Variants in TARS3 observed in about 807,000 individuals in gnomAD.
TARS3 encodes the protein threonyl-tRNA synthetase 3.
TARS3 carries 94 observed loss-of-function variants against 103.5 expected under a neutral mutation model. That is an observed-to-expected ratio of 0.91 (90% CI 0.77 to 1.08). The LOEUF (loss-of-function observed/expected upper bound fraction) is 1.08, where lower values mean the gene tolerates loss of function less well. Ranked by LOEUF, TARS3 falls within the 50% of genes least tolerant of loss-of-function variation. The pLI, the probability that TARS3 is intolerant of heterozygous loss-of-function variation, is 0.00. For missense variants in TARS3, 952 were observed against 995.2 expected, an observed-to-expected ratio of 0.96 and a Z score of 0.58; for synonymous variants, 416 against 355.4, an observed-to-expected ratio of 1.17 and a Z score of -1.92.
chr15:101,671,511 T>G lies in TARS3; in HGVS notation c.1942A>C (p.Ile648Leu). ...ATIQLDFQLP[I>L]RFNLTYVSKD... The stretch of plus-strand genomic sequence containing the variant: ...CTAACATATGTGAGATTAAATCTAA[T>G]AGGCAGTTGGAAGTCCAGCTGAATT... Residue 648 changes from isoleucine to leucine, a missense_variant, in exon 15 of 19, where the codon ATT (isoleucine) becomes CTT (leucine). Coordinates refer to ENST00000335968, the MANE Select transcript of TARS3 (RefSeq NM_152334.3). 2 of 1,609,664 alleles carry G rather than the reference T, an allele frequency of 1.2e-6. No individual in the cohort carries two copies. Among genetic ancestry groups the G allele is most frequent in the Non-Finnish European group, 1.7e-6 (2 of 1,176,214 alleles).
intron 10 of TARS3, among the ~76,000 whole-genome samples, chr15:101,699,902 G>A (rs1467961218): frequency 6.6e-6 from 1 of 152,114 alleles, no homozygotes; most frequent in African/African-American, 2.4e-5. Context: ...AGATATACAG[G>A]GACCAGGAAA....
At chr15:101,657,117 A>T in intron 17 of TARS3, 81 bp from the exon 18 acceptor site, 1 of 880,080 alleles carries the variant, frequency 1.1e-6, no homozygotes, top group Non-Finnish European at 1.8e-6. Flanking sequence ...CACTCTTGGT[A>T]TTCACACCTT....
At chr15:101,654,905 T>G (rs1897141401) in intron 18 of TARS3, among the ~76,000 whole-genome samples, 175 bp from the exon 19 acceptor site, 1 of 152,260 alleles carries the variant, frequency 6.6e-6, no homozygotes, top group Admixed American at 6.5e-5. Flanking sequence ...CAATGACTTC[T>G]GATCCCATCT....
At chr15:101,684,433 G>C (rs1898382666) in intron 11 of TARS3, among the ~76,000 whole-genome samples, 196 bp from the exon 12 acceptor site, 1 of 152,148 alleles carries the variant, frequency 6.6e-6, no homozygotes, top group Non-Finnish European at 1.5e-5. Context: ...CTCTGAGAAA[G>C]ATGCTTGTCT....
At chr15:101,690,949 T>C (rs1898689512) in intron 10 of TARS3, among the ~76,000 whole-genome samples, 1 of 151,936 alleles carries the variant, frequency 6.6e-6, no homozygotes, top group South Asian at 2.1e-4. Context: ...GTATCAATCT[T>C]TTTTTTTGAA....
At chr15:101,703,991 T>C (rs1353744056) in intron 7 of TARS3, 54 bp from the exon 8 acceptor site, 17 of 1,284,314 alleles carry the variant, frequency 1.3e-5, no homozygotes, top group Non-Finnish European at 1.9e-5. Context: ...TTCTGGACTA[T>C]TCATTATAAG....
At chr15:101,661,926 C>A in intron 15 of TARS3, 110 bp from the exon 16 acceptor site, 1 of 559,992 alleles carries the variant, frequency 1.8e-6, no homozygotes, top group Non-Finnish European at 2.9e-6. Context: ...TCAGATCTCT[C>A]CATTAACCTT....
intron 7 of TARS3, 74 bp from the exon 8 acceptor site, chr15:101,704,011 C>T (rs1378180558): frequency 1.8e-6 from 2 of 1,104,962 alleles, no homozygotes; most frequent in African/African-American, 3.2e-5. Context: ...GCCATAATAT[C>T]CTATGTTTTA....
chr15:101,687,317 C>T (rs985996311), intron 10 of TARS3, among the ~76,000 whole-genome samples: 11 of 152,132 alleles, frequency 7.2e-5, no homozygotes, highest in South Asian at 2.1e-4. Flanking sequence ...GCAGGAGAAT[C>T]GCTTGAACCC....
rs780914730 is a variant in TARS3 at position 101,723,116 on chromosome 15, T to A, written c.346A>T (p.Lys116Ter). ...ACCTCGCTGTCAGCCTCGCTTTCCTTCATTTTCTTCTTTTTCATGTCCTTG... is the reference window on the plus strand; with the variant it reads ...ACCTCGCTGTCAGCCTCGCTTTCCTACATTTTCTTCTTTTTCATGTCCTTG... Reference protein sequence around the residue: ...QDKDMKKKKMKESEADSEVKH... With the variant: ...QDKDMKKKKM The change falls in exon 2 of 19, where the codon AAG (lysine) becomes TAG (stop). Residue 116 changes from lysine (K) to a stop codon, truncating the protein, a stop_gained. Coordinates refer to ENST00000335968, the MANE Select transcript of TARS3 (RefSeq NM_152334.3). LOFTEE classifies it high-confidence loss of function. The A allele has an allele frequency of 6.2e-7, 1 of 1,614,220 alleles. No individual in the cohort carries two copies. The highest frequency in any genetic ancestry group is 2.2e-5 in the East Asian group (1 of 44,890).
chr15:101,710,652 G>A (rs1231625767), intron 5 of TARS3, among the ~76,000 whole-genome samples: 1 of 152,234 alleles, frequency 6.6e-6, no homozygotes, highest in East Asian at 1.9e-4. Context: ...ATGCTTGTGA[G>A]TAATAGTGGT....
At chr15:101,661,408 G>A (rs927514062) in intron 16 of TARS3, among the ~76,000 whole-genome samples, 1 of 150,712 alleles carries the variant, frequency 6.6e-6, no homozygotes, top group Admixed American at 6.7e-5. Context: ...TCTCTGAAGG[G>A]CTTGAAACAG....
At position 101,654,538 on chromosome 15, in the gene TARS3, G is replaced by A. The variant is rs773442739; in HGVS notation, c.*44C>T. On this transcript the variant is annotated 3_prime_UTR_variant, in exon 19 of 19. Transcript: ENST00000335968. ...CATGTTAAGAAAAATACATTTTTAAGGGTCAAAACAAAGTTACACAGAAGC... is the reference window on the plus strand; with the variant it reads ...CATGTTAAGAAAAATACATTTTTAAAGGTCAAAACAAAGTTACACAGAAGC... 1 of 1,588,960 alleles carries A rather than the reference G, an allele frequency of 6.3e-7. No homozygotes were observed. Among genetic ancestry groups the A allele is most frequent in the Admixed American group, 1.9e-5 (1 of 51,946 alleles).
chr15:101,684,066 AT>A lies in TARS3; in HGVS notation c.1650+8del, dbSNP rs763685878. 5.6e-6 allele frequency: 9 copies of A among 1,611,102 alleles called. No individual in the cohort carries two copies. Among genetic ancestry groups the A allele is most frequent in the Non-Finnish European group, 7.6e-6 (9 of 1,178,464 alleles). ...TGACCACACTGCTTCACTCTGTGTT[AT>A]TGTTTACCTGCTCCACTGTGCAAAA... On this transcript the variant is annotated splice_region_variant and intron_variant, in intron 12 of 18. Transcript: ENST00000335968.
intron 18 of TARS3, among the ~76,000 whole-genome samples, chr15:101,655,374 A>T (rs1897162333): frequency 7.2e-6 from 1 of 139,314 alleles, no homozygotes; most frequent in Non-Finnish European, 1.5e-5. Context: ...GAGAGGGGGG[A>T]GCTCTTACAG....
chr15:101,710,250 C>T lies in TARS3; in HGVS notation c.813-1340G>A, dbSNP rs75685277. On this transcript the variant is annotated intron_variant, in intron 5 of 18. Coordinates refer to ENST00000335968, the MANE Select transcript of TARS3 (RefSeq NM_152334.3). ...CTGTGGTCCCTCCCACATACCTCAC[C>T]ATAAGCATCTTTCATCAGGCTGTTC... 1.1e-3 allele frequency among the ~76,000 whole-genome samples: 171 copies of T among 152,298 alleles called. No homozygotes were observed. The East Asian group carries it at 0.02, about 18-fold the overall frequency.
rs749613889 is a variant in TARS3, at chr15:101,684,118, C to A, written c.1607G>T (p.Arg536Leu). 15 of 1,613,440 alleles carry A rather than the reference C, an allele frequency of 9.3e-6. No individual in the cohort carries two copies. The highest frequency in any genetic ancestry group is 1.3e-5 in the Non-Finnish European group (15 of 1,179,744). ...AATGTGAGCATCGTCCTGCTGGAAG[C>A]GCCTCACTCTGGTCAAGCCGCTGAG... Reference protein sequence around the residue: ...GTLSGLTRVRRFQQDDAHIFC... With the variant: ...GTLSGLTRVRLFQQDDAHIFC... The change falls in exon 12 of 19, where the codon CGC (arginine) becomes CTC (leucine). Residue 536 changes from arginine (R) to leucine (L), a missense_variant. Coordinates refer to ENST00000335968, the MANE Select transcript of TARS3 (RefSeq NM_152334.3).
chr15:101,666,781 G>A (rs1897597459), intron 15 of TARS3, among the ~76,000 whole-genome samples: 1 of 152,116 alleles, frequency 6.6e-6, no homozygotes. Flanking sequence ...GGGAACCCTG[G>A]AACATCAGGA....
chr15:101,657,369 T>C (rs517646), intron 17 of TARS3, among the ~76,000 whole-genome samples: 57,138 of 152,088 alleles, frequency 0.38, 11,651 homozygotes, highest in Non-Finnish European at 0.47. Context: ...CAGCCCTGGC[T>C]GACAGCCTGA....
Sources: allele counts gnomAD v4.1 joint callset (sites outside exome capture counted in the v4.1 genomes callset), GRCh38; gene constraint gnomAD v4.1.1; transcripts MANE v1.5; gene names NCBI Gene and HGNC (gene_info 2026-07-23, HGNC 2026-07-21).